Variants in TENM2 observed in about 807,000 individuals in gnomAD.
TENM2 encodes the protein teneurin-2.
A neutral mutation model predicts 245.2 loss-of-function variants in TENM2; 52 were observed. The ratio of observed to expected loss-of-function variants is 0.21; its 90% CI spans 0.17 to 0.27. TENM2 has a LOEUF of 0.27. TENM2 is among the 10% of genes least tolerant of loss of function. The pLI, the probability that TENM2 is intolerant of heterozygous loss-of-function variation, is 1.00. For missense variants in TENM2, 3,046 were observed against 3,666.8 expected, an observed-to-expected ratio of 0.83 and a Z score of 4.37; for synonymous variants, 1,363 against 1,438.9, an observed-to-expected ratio of 0.95 and a Z score of 1.19.
chr5:168,086,799 C>A (rs964009475), intron 7 of TENM2, among the ~76,000 whole-genome samples: 1 of 152,238 alleles, frequency 6.6e-6, no homozygotes, highest in Non-Finnish European at 1.5e-5. Flanking sequence ...GTCCCCAATA[C>A]TAAGCCTGAG....
At chr5:167,934,090 C>G (rs1778506615) in intron 3 of TENM2, among the ~76,000 whole-genome samples, 1 of 152,078 alleles carries the variant, frequency 6.6e-6, no homozygotes, top group African/African-American at 2.4e-5. Context: ...ATTATCAAAC[C>G]AATTTTAGAA....
At chr5:167,926,825 T>G in intron 3 of TENM2, among the ~76,000 whole-genome samples, 1 of 151,946 alleles carries the variant, frequency 6.6e-6, no homozygotes, top group Non-Finnish European at 1.5e-5. Flanking sequence ...CGTCAATTCC[T>G]TAGTTGTGAT....
chr5:167,285,000 A>T (rs1005746071), exon 1 of TENM2: 2 of 1,552,096 alleles, frequency 1.3e-6, no homozygotes, highest in South Asian at 2.4e-5. Context: ...TGACAGCAGG[A>T]TGCACTATGG....
intron 2 of TENM2, among the ~76,000 whole-genome samples, chr5:167,689,409 A>C (rs1051644617): frequency 1.3e-5 from 2 of 152,230 alleles, no homozygotes; most frequent in Non-Finnish European, 2.9e-5. Context: ...TAGGAACCTC[A>C]GTACACACAC....
At chr5:167,667,404 G>A (rs1755646011) in intron 2 of TENM2, among the ~76,000 whole-genome samples, 2 of 152,154 alleles carry the variant, frequency 1.3e-5, no homozygotes, top group East Asian at 1.9e-4. Flanking sequence ...TTTCATCAGG[G>A]ACTAAAATTA....
Position 168,226,074 on chromosome 5 carries a change from C to G in TENM2, c.5109-14C>G. The G allele has an allele frequency of 6.2e-7, 1 of 1,609,500 alleles. No homozygotes were observed. The stretch of plus-strand genomic sequence containing the variant: ...TGCTAACCAGGGTTTATCTATCTAT[C>G]TATCTCCCCCCAGCTATGACCACGA... On this transcript the variant is annotated splice_polypyrimidine_tract_variant and intron_variant, in intron 23 of 28. Coordinates refer to ENST00000518659, the Ensembl canonical transcript of TENM2.
At chr5:167,192,729 C>T in the TENM2 span, among the ~76,000 whole-genome samples, 1 of 151,982 alleles carries the variant, frequency 6.6e-6, no homozygotes, top group Non-Finnish European at 1.5e-5. Context: ...CTCATATTCG[C>T]TATGGTTAGG....
intron 2 of TENM2, among the ~76,000 whole-genome samples, chr5:167,834,090 CAAACAT>C (rs3082466): frequency 0.68 from 102,574 of 151,252 alleles, 36,743 homozygotes; most frequent in Non-Finnish European, 0.82. Context: ...GAAGGTGAGA[CAAACAT>C]AAACAGGTAA....
intron 3 of TENM2, among the ~76,000 whole-genome samples, chr5:167,939,711 G>A (rs1335448030): frequency 1.3e-5 from 2 of 152,144 alleles, no homozygotes; most frequent in Admixed American, 6.5e-5. Flanking sequence ...TGAAAGAAGC[G>A]GAATTCCATA....
At chr5:167,743,511 T>G (rs1311621700) in intron 2 of TENM2, among the ~76,000 whole-genome samples, 1 of 152,142 alleles carries the variant, frequency 6.6e-6, no homozygotes, top group Non-Finnish European at 1.5e-5. Context: ...AATAAATAAG[T>G]TTTTAAAAAG....
At chr5:167,135,675 G>A in the TENM2 span, among the ~76,000 whole-genome samples, 1 of 152,124 alleles carries the variant, frequency 6.6e-6, no homozygotes, top group Non-Finnish European at 1.5e-5. Context: ...TACTCAGGAG[G>A]CTGAGGCAGG....
the TENM2 span, among the ~76,000 whole-genome samples, chr5:167,018,458 G>A: frequency 6.6e-6 from 1 of 151,438 alleles, no homozygotes; most frequent in African/African-American, 2.4e-5. Flanking sequence ...CGTCATCTCT[G>A]AGTCACTGAC....
the TENM2 span, among the ~76,000 whole-genome samples, chr5:166,993,542 C>T: frequency 6.6e-6 from 1 of 152,112 alleles, no homozygotes; most frequent in African/African-American, 2.4e-5. Context: ...GACAGTTTTC[C>T]TCAGTTAGAT....
At chr5:167,292,582 GT>G (rs1185164782) in intron 1 of TENM2, among the ~76,000 whole-genome samples, 3 of 152,072 alleles carry the variant, frequency 2.0e-5, no homozygotes, top group African/African-American at 7.2e-5. Context: ...ATAGTTTTGA[GT>G]TTTTAAAACA....
At chr5:167,972,920 C>G (rs959124334) in intron 4 of TENM2, among the ~76,000 whole-genome samples, 3 of 152,196 alleles carry the variant, frequency 2.0e-5, no homozygotes, top group Non-Finnish European at 4.4e-5. Flanking sequence ...CCCCTTGGTT[C>G]TAGCTGTAGG....
the TENM2 span, among the ~76,000 whole-genome samples, chr5:167,128,985 TAGTG>T: frequency 1.3e-5 from 2 of 152,238 alleles, no homozygotes; most frequent in Non-Finnish European, 2.9e-5. Flanking sequence ...CTGCCTCTGA[TAGTG>T]AGTTCTGGTC....
chr5:167,187,962 C>T, the TENM2 span, among the ~76,000 whole-genome samples: 5 of 152,126 alleles, frequency 3.3e-5, no homozygotes, highest in Non-Finnish European at 7.4e-5. Context: ...TTTGTTACAG[C>T]AGCGTCAGGA....
chr5:167,797,845 G>C (rs1277926578), intron 2 of TENM2, among the ~76,000 whole-genome samples: 1 of 152,110 alleles, frequency 6.6e-6, no homozygotes, highest in Non-Finnish European at 1.5e-5. Context: ...CTGACTGACA[G>C]CTGCAGGAAA....
chr5:167,123,148 A>C, the TENM2 span, among the ~76,000 whole-genome samples: 1 of 151,638 alleles, frequency 6.6e-6, no homozygotes, highest in African/African-American at 2.4e-5. Context: ...AAATACAAAA[A>C]AAAAAAAAAA....
Sources: allele counts gnomAD v4.1 joint callset (sites outside exome capture counted in the v4.1 genomes callset), GRCh38; gene constraint gnomAD v4.1.1; transcripts MANE v1.5; gene names NCBI Gene and HGNC (gene_info 2026-07-23, HGNC 2026-07-21).